NTF3: variants seen among roughly 807,000 people sequenced by gnomAD.
NTF3 encodes the protein neurotrophin-3.
In NTF3, 8 loss-of-function variants were observed where a neutral mutation model predicts 26.3. That is an observed-to-expected ratio of 0.30 (90% CI 0.18 to 0.55). The LOEUF is 0.55. Ranked by LOEUF, NTF3 falls within the 20% of genes least tolerant of loss-of-function variation. NTF3 has a pLI of 0.93. For missense variants in NTF3, 276 were observed against 352.9 expected, an observed-to-expected ratio of 0.78 and a Z score of 1.75; for synonymous variants, 154 against 145.5, an observed-to-expected ratio of 1.06 and a Z score of -0.42.
intron 1 of NTF3, 137 bp downstream of exon 1, chr12:5,432,479 A>T: frequency 1.0e-6 from 1 of 985,892 alleles, no homozygotes; most frequent in Middle Eastern, 3.2e-4. Context: ...GCGCTCACTC[A>T]CTTTCCCGGG....
intron 1 of NTF3, among the ~76,000 whole-genome samples, chr12:5,479,896 G>A (rs573377635): frequency 2.6e-5 from 4 of 152,116 alleles, no homozygotes; most frequent in Non-Finnish European, 4.4e-5. Context: ...TTTCCCACTT[G>A]CTCTTGCCTT....
chr12:5,470,579 T>G (rs865961418), intron 1 of NTF3, among the ~76,000 whole-genome samples: 1 of 152,180 alleles, frequency 6.6e-6, no homozygotes, highest in Non-Finnish European at 1.5e-5. Context: ...CCCTGCCACC[T>G]CTTCTTCCCA....
intron 1 of NTF3, among the ~76,000 whole-genome samples, chr12:5,457,745 C>T (rs1158498926): frequency 6.6e-6 from 1 of 152,126 alleles, no homozygotes; most frequent in South Asian, 2.1e-4. Context: ...CCTTTTGTGC[C>T]CCAAACTTTC....
Position 5,494,442 on chromosome 12 carries a change from G to T in NTF3, c.267G>T (p.Gly89=), listed in dbSNP as rs771935909. 1 of 1,584,736 alleles carries T rather than the reference G, an allele frequency of 6.3e-7. No individual in the cohort carries two copies. Among genetic ancestry groups the T allele is most frequent in the East Asian group, 2.3e-5 (1 of 43,226 alleles). Residue 89 remains glycine, a synonymous_variant, in exon 2 of 2, where the codon GGG becomes GGT. Transcript: ENST00000423158. The surrounding 1 kb of genome is among the most constrained non-coding windows in gnomAD (Gnocchi z 8.3). ...CTCCCCGAGAGCCGGAGCGGGGAGG[G>T]CCCGCCAAGTCAGCATTCCAGCCGG... ...AEAPREPERG[G]PAKSAFQPVI...
At chr12:5,457,580 G>A (rs940959605) in intron 1 of NTF3, among the ~76,000 whole-genome samples, 1 of 152,068 alleles carries the variant, frequency 6.6e-6, no homozygotes, top group Non-Finnish European at 1.5e-5. Context: ...ACTCTCCATA[G>A]CCTATTCTAA....
At chr12:5,453,895 C>G (rs11837520) in intron 1 of NTF3, among the ~76,000 whole-genome samples, 1 of 152,234 alleles carries the variant, frequency 6.6e-6, no homozygotes, top group Non-Finnish European at 1.5e-5. Flanking sequence ...CTCTTTTGAT[C>G]CAAGGTATAC....
intron 1 of NTF3, among the ~76,000 whole-genome samples, chr12:5,437,449 T>G (rs1940181858): frequency 6.6e-6 from 1 of 152,230 alleles, no homozygotes; most frequent in African/African-American, 2.4e-5. Context: ...AGGCCTCTCC[T>G]CTTTCCCTAC....
intron 1 of NTF3, among the ~76,000 whole-genome samples, chr12:5,471,788 G>A (rs1201439134): frequency 2.0e-5 from 3 of 151,994 alleles, no homozygotes; most frequent in Non-Finnish European, 4.4e-5. Flanking sequence ...GTCTCCCAGA[G>A]ACAGATCTCT....
chr12:5,475,072 G>A (rs1175137803), intron 1 of NTF3, among the ~76,000 whole-genome samples: 2 of 152,150 alleles, frequency 1.3e-5, no homozygotes, highest in Non-Finnish European at 2.9e-5. Flanking sequence ...AGTATAGGAC[G>A]GAGGTCTGTG....
intron 1 of NTF3, among the ~76,000 whole-genome samples, chr12:5,466,122 G>A (rs746648958): frequency 1.8e-4 from 27 of 152,304 alleles, no homozygotes; most frequent in Non-Finnish European, 1.9e-4. Context: ...ACGTGTGGGC[G>A]TCATGCAGCC....
chr12:5,472,471 G>T (rs1193901724), intron 1 of NTF3, among the ~76,000 whole-genome samples: 3 of 152,042 alleles, frequency 2.0e-5, no homozygotes, highest in Non-Finnish European at 4.4e-5. Context: ...AAAATACAAC[G>T]AACAGTATAA....
At chr12:5,449,018 A>C (rs532289793) in intron 1 of NTF3, among the ~76,000 whole-genome samples, 43 of 152,352 alleles carry the variant, frequency 2.8e-4, no homozygotes, top group Non-Finnish European at 4.6e-4. Flanking sequence ...CTTATAGTAC[A>C]TGTAGGGAAA....
chr12:5,444,275 C>T (rs2121153725), intron 1 of NTF3, among the ~76,000 whole-genome samples: 1 of 152,256 alleles, frequency 6.6e-6, no homozygotes, highest in East Asian at 1.9e-4. Flanking sequence ...TATGTGTTTT[C>T]CTGTGGTATG....
At chr12:5,439,476 C>G (rs891544000) in intron 1 of NTF3, among the ~76,000 whole-genome samples, 10 of 152,166 alleles carry the variant, frequency 6.6e-5, no homozygotes, top group African/African-American at 2.4e-4. Flanking sequence ...TTGGTCACCC[C>G]ATAGGGTAAC....
Position 5,432,246 on chromosome 12 carries a change from G to GTCCC in NTF3, c.-79_-78insTCCC. On this transcript the variant is annotated 5_prime_UTR_variant, in exon 1 of 2. Coordinates refer to ENST00000423158, the MANE Select transcript of NTF3 (RefSeq NM_001102654.2). Reference sequence around the variant, plus strand: ...TGCTGGGTAGTGGCTGCGGCGGGGTGGGGGAGACTTTGAATGACCGAGCTC... The same window carrying GTCCC: ...TGCTGGGTAGTGGCTGCGGCGGGGTGTCCCGGGGAGACTTTGAATGACCGAGCTC... The GTCCC allele has an allele frequency of 6.7e-7, 1 of 1,492,050 alleles. No homozygotes were observed. The highest frequency in any genetic ancestry group is 1.1e-5 in the South Asian group (1 of 88,410). The allele number at this position is 1,492,050 out of a possible 1,614,324, so 92.4% of individuals were successfully genotyped here. A position where few individuals can be genotyped will look rare whatever the true frequency, so the allele number is the denominator to read the frequency against.
At chr12:5,457,997 A>C (rs111392269) in intron 1 of NTF3, among the ~76,000 whole-genome samples, 1 of 152,140 alleles carries the variant, frequency 6.6e-6, no homozygotes, top group Non-Finnish European at 1.5e-5. Flanking sequence ...GCCATCCTCC[A>C]TACTTTGCAA....
At chr12:5,486,506 C>A (rs1452212776) in intron 1 of NTF3, among the ~76,000 whole-genome samples, 1 of 152,172 alleles carries the variant, frequency 6.6e-6, no homozygotes, top group Non-Finnish European at 1.5e-5. Flanking sequence ...TACTCAGCAG[C>A]CCCTACCTTG....
At chr12:5,462,513 T>C (rs1940537360) in intron 1 of NTF3, among the ~76,000 whole-genome samples, 1 of 152,188 alleles carries the variant, frequency 6.6e-6, no homozygotes, top group Admixed American at 6.5e-5. Context: ...GTTCCTAGAA[T>C]AGTACCTGGT....
intron 1 of NTF3, among the ~76,000 whole-genome samples, chr12:5,467,475 A>C (rs1403672579): frequency 6.6e-6 from 1 of 152,176 alleles, no homozygotes; most frequent in Non-Finnish European, 1.5e-5. Flanking sequence ...GTTCCTCCCC[A>C]TATCTAACTT....
Sources: allele counts gnomAD v4.1 joint callset (sites outside exome capture counted in the v4.1 genomes callset), GRCh38; gene constraint gnomAD v4.1.1; non-coding constraint Gnocchi (gnomAD v3.1); transcripts MANE v1.5; gene names NCBI Gene and HGNC (gene_info 2026-07-23, HGNC 2026-07-21).